The following CHCHD3 variants were observed in gnomAD, a reference collection of about 807,000 sequenced individuals.
The protein encoded by CHCHD3 is MICOS complex subunit MIC19.
A neutral mutation model predicts 38.2 loss-of-function variants in CHCHD3; 20 were observed. The observed-to-expected ratio is 0.52, with a 90% CI of 0.37 to 0.76. The LOEUF (loss-of-function observed/expected upper bound fraction) is 0.76. Among genes scored for constraint, CHCHD3 ranks in the 30% least tolerant of loss-of-function variants. The pLI is 0.00. For synonymous variants in CHCHD3, 82 were observed against 100.0 expected (o/e 0.82, Z 1.07); for missense variants, 245 against 279.2 (o/e 0.88, Z 0.87).
chr7:132,796,134 T>G (rs2241439), intron 7 of CHCHD3, among the ~76,000 whole-genome samples: 33,998 of 152,014 alleles, frequency 0.22, 4,537 homozygotes, highest in East Asian at 0.4. Context: ...CCTAAAAGTA[T>G]GAGGAATGAC....
At chr7:133,077,687 T>C (rs1815043988) in intron 1 of CHCHD3, among the ~76,000 whole-genome samples, 1 of 152,166 alleles carries the variant, frequency 6.6e-6, no homozygotes, top group Non-Finnish European at 1.5e-5. Flanking sequence ...ATCAACCACA[T>C]GTAATATGAG....
chr7:132,878,357 A>G (rs1302194637), intron 5 of CHCHD3, among the ~76,000 whole-genome samples: 3 of 103,694 alleles, frequency 2.9e-5, no homozygotes, highest in Non-Finnish European at 7.2e-5. Flanking sequence ...AGAAAGAAGA[A>G]GTCACACACA....
At chr7:133,053,559 T>C (rs1428740141) in intron 2 of CHCHD3, among the ~76,000 whole-genome samples, 2 of 152,172 alleles carry the variant, frequency 1.3e-5, no homozygotes, top group Non-Finnish European at 2.9e-5. Flanking sequence ...CTAGTAACAA[T>C]CACATGTGTG....
intron 7 of CHCHD3, among the ~76,000 whole-genome samples, chr7:132,787,790 G>A (rs1356591096): frequency 6.6e-6 from 1 of 152,098 alleles, no homozygotes; most frequent in Non-Finnish European, 1.5e-5. Context: ...ATGTCATAGG[G>A]CACAAAAGAA....
At chr7:133,079,849 G>A (rs1297554342) in intron 1 of CHCHD3, among the ~76,000 whole-genome samples, 2 of 152,172 alleles carry the variant, frequency 1.3e-5, no homozygotes, top group African/African-American at 2.4e-5. Context: ...TTTTGATCAT[G>A]AGCTCAAAGA....
At chr7:132,833,373 G>A (rs921576556) in intron 6 of CHCHD3, among the ~76,000 whole-genome samples, 3 of 152,086 alleles carry the variant, frequency 2.0e-5, no homozygotes, top group African/African-American at 7.2e-5. Context: ...AATCTATTGT[G>A]GGAAAATAAA....
In CHCHD3 at chr7:133,066,998, G is replaced by A. The variant is rs1201675012; in HGVS notation, c.169+3144C>T. ...AGTGGTTAACAGCATTTGCTCTGGA[G>A]TCAGACAAACTTGAATGTAACTCTC... On this transcript the variant is annotated intron_variant, in intron 2 of 7. Transcript: ENST00000262570. Among the ~76,000 whole-genome samples, 4 of 152,328 alleles carry A rather than the reference G, an allele frequency of 2.6e-5. No individual in the cohort carries two copies. The East Asian group carries it at 5.8e-4, about 22-fold the overall frequency.
chr7:133,074,227 A>G (rs1814911259), intron 1 of CHCHD3, among the ~76,000 whole-genome samples: 1 of 152,224 alleles, frequency 6.6e-6, no homozygotes, highest in African/African-American at 2.4e-5. Context: ...AGGCCCTGTG[A>G]TACATCAGTG....
chr7:132,817,457 G>C (rs1807228693), intron 6 of CHCHD3, among the ~76,000 whole-genome samples: 1 of 151,874 alleles, frequency 6.6e-6, no homozygotes, highest in African/African-American at 2.4e-5. Context: ...ATTCTCCTTA[G>C]GGACAAAAGG....
intron 5 of CHCHD3, among the ~76,000 whole-genome samples, chr7:132,843,021 T>C (rs971345180): frequency 3.3e-5 from 5 of 152,162 alleles, no homozygotes; most frequent in African/African-American, 1.2e-4. Flanking sequence ...GTTCTGATGG[T>C]ACATAGATTT....
At chr7:132,933,178 A>G (rs1810555373) in intron 4 of CHCHD3, among the ~76,000 whole-genome samples, 1 of 152,208 alleles carries the variant, frequency 6.6e-6, no homozygotes, top group African/African-American at 2.4e-5. Context: ...TCAAGGGCAA[A>G]ATGCAATTTG....
At chr7:132,920,734 T>C (rs1301743466) in intron 4 of CHCHD3, among the ~76,000 whole-genome samples, 1 of 152,208 alleles carries the variant, frequency 6.6e-6, no homozygotes, top group African/African-American at 2.4e-5. Context: ...ATAGGCTTGC[T>C]ATGCCTCAAA....
At chr7:132,962,067 C>T (rs1360335161) in intron 4 of CHCHD3, among the ~76,000 whole-genome samples, 1 of 152,216 alleles carries the variant, frequency 6.6e-6, no homozygotes, top group African/African-American at 2.4e-5. Flanking sequence ...CTCATGTTGA[C>T]ACTTTCAATT....
At chr7:133,072,049 T>C (rs1814832329) in intron 1 of CHCHD3, among the ~76,000 whole-genome samples, 1 of 151,938 alleles carries the variant, frequency 6.6e-6, no homozygotes, top group Non-Finnish European at 1.5e-5. Flanking sequence ...TCATCAAGTG[T>C]TGAATTGCTA....
intron 4 of CHCHD3, among the ~76,000 whole-genome samples, chr7:132,944,609 T>C (rs916773462): frequency 2.6e-5 from 4 of 151,966 alleles, no homozygotes; most frequent in Non-Finnish European, 4.4e-5. Context: ...AATAATTACA[T>C]TGTTGTAAAA....
intron 3 of CHCHD3, among the ~76,000 whole-genome samples, chr7:132,999,490 G>T (rs182910914): frequency 6.6e-6 from 1 of 152,172 alleles, no homozygotes; most frequent in Non-Finnish European, 1.5e-5. Flanking sequence ...TTCCATTATG[G>T]TTATTATAAT....
intron 4 of CHCHD3, among the ~76,000 whole-genome samples, chr7:132,955,385 G>C (rs1811138528): frequency 6.6e-6 from 1 of 151,974 alleles, no homozygotes; most frequent in Non-Finnish European, 1.5e-5. Context: ...TTGCAATGCA[G>C]GGCAAAAAGT....
At chr7:132,993,402 G>A (rs1301722175) in intron 3 of CHCHD3, among the ~76,000 whole-genome samples, 3 of 152,184 alleles carry the variant, frequency 2.0e-5, no homozygotes, top group African/African-American at 7.2e-5. Flanking sequence ...AATTGAGGGT[G>A]TATTAAAATC....
At chr7:132,983,617 T>C (rs577980688) in intron 3 of CHCHD3, among the ~76,000 whole-genome samples, 5 of 152,196 alleles carry the variant, frequency 3.3e-5, no homozygotes, top group Non-Finnish European at 7.3e-5. Flanking sequence ...CTTTTGAGGT[T>C]CTCGTGTATT....
Sources: gnomAD v4.1 joint callset for allele counts (sites outside exome capture counted in the v4.1 genomes callset) on GRCh38, gnomAD v4.1.1 for gene constraint, MANE v1.5 for transcripts, NCBI Gene and HGNC (gene_info 2026-07-23, HGNC 2026-07-21) for gene names.